Variants in ADCY2 observed in about 807,000 individuals in gnomAD.
The protein encoded by ADCY2 is adenylate cyclase 2.
ADCY2 carries 31 observed loss-of-function variants against 125.2 expected under a neutral mutation model. The observed-to-expected ratio is 0.25, with a 90% CI of 0.19 to 0.33. ADCY2 has a LOEUF of 0.33. ADCY2 is among the 10% of genes least tolerant of loss of function. The probability of loss-of-function intolerance (pLI) is 1.00; values close to 1 mark genes in which losing one functional copy is unlikely to be tolerated. For synonymous variants in ADCY2, 512 were observed against 548.4 expected, an observed-to-expected ratio of 0.93 and a Z score of 0.93; for missense variants, 904 against 1,418.2, an observed-to-expected ratio of 0.64 and a Z score of 5.82.
At chr5:7,804,736 C>A in intron 22 of ADCY2, 44 bp downstream of exon 22, 1 of 1,497,908 alleles carries the variant, frequency 6.7e-7, no homozygotes, top group East Asian at 2.3e-5. Context: ...AGCCTCAACC[C>A]CATCCACAAA....
intron 3 of ADCY2, among the ~76,000 whole-genome samples, chr5:7,527,755 G>C (rs1478946353): frequency 6.6e-6 from 1 of 152,216 alleles, no homozygotes; most frequent in African/African-American, 2.4e-5. Context: ...TCTATGCCAA[G>C]TGTGTAATCA....
chr5:7,398,635 C>A (rs988268939), intron 1 of ADCY2, among the ~76,000 whole-genome samples: 1 of 152,190 alleles, frequency 6.6e-6, no homozygotes, highest in African/African-American at 2.4e-5. Flanking sequence ...AATTCATGGT[C>A]TCATGTCTAC....
intron 16 of ADCY2, among the ~76,000 whole-genome samples, chr5:7,760,269 A>T (rs1016064685): frequency 1.1e-4 from 16 of 152,330 alleles, no homozygotes; most frequent in African/African-American, 3.8e-4. Flanking sequence ...CTCTTCCAAG[A>T]TCCAGCTCCC....
chr5:7,828,915 C>G lies in ADCY2; in HGVS notation c.*2044C>G, dbSNP rs1745564077. 6.6e-6 allele frequency: 1 copy of G among 152,336 alleles called. No homozygotes were observed. The highest frequency in any genetic ancestry group is 2.4e-5 in the African/African-American group (1 of 41,432). The allele number at this position is 152,336 out of a possible 1,614,324, so 9.4% of individuals were successfully genotyped here. ...CCCCAGCTGGGTGGTCCACCAAGTTCTCATAAACAGAGTCCCTCCCATTCC... is the reference window on the plus strand; with the variant it reads ...CCCCAGCTGGGTGGTCCACCAAGTTGTCATAAACAGAGTCCCTCCCATTCC... On this transcript the variant is annotated 3_prime_UTR_variant, in exon 25 of 25. Transcript: ENST00000338316.
chr5:7,459,111 C>T (rs1741816700), intron 2 of ADCY2, among the ~76,000 whole-genome samples: 1 of 152,188 alleles, frequency 6.6e-6, no homozygotes, highest in African/African-American at 2.4e-5. Context: ...GATCTTCTGA[C>T]ATACTTCTGT....
intron 20 of ADCY2, chr5:7,800,187 C>T (rs1422890339): frequency 2.0e-5 from 3 of 152,214 alleles, no homozygotes; most frequent in Non-Finnish European, 4.4e-5. Context: ...TAGTACCAGC[C>T]TCACAGGGTT....
intron 4 of ADCY2, among the ~76,000 whole-genome samples, chr5:7,689,702 C>G (rs1053246639): frequency 6.6e-6 from 1 of 152,006 alleles, no homozygotes. Flanking sequence ...CCCCTAATCC[C>G]TCATCAGCTT....
At chr5:7,785,869 G>A (rs1040512356) in intron 19 of ADCY2, among the ~76,000 whole-genome samples, 7 of 152,076 alleles carry the variant, frequency 4.6e-5, no homozygotes, top group Admixed American at 1.3e-4. Context: ...CTTTGTTATT[G>A]GTCGTTGAGA....
At chr5:7,463,332 C>CA (rs1741981750) in intron 2 of ADCY2, among the ~76,000 whole-genome samples, 1 of 152,094 alleles carries the variant, frequency 6.6e-6, no homozygotes, top group South Asian at 2.1e-4. Flanking sequence ...ATGAAGAGGA[C>CA]AAAAAGAACA....
At chr5:7,446,537 A>AATACATACATACATAC in intron 2 of ADCY2, among the ~76,000 whole-genome samples, 1 of 150,838 alleles carries the variant, frequency 6.6e-6, no homozygotes, top group East Asian at 2.0e-4. Context: ...CTCTGAAATA[A>AATACATACATACATAC]ATACATACAT....
intron 4 of ADCY2, among the ~76,000 whole-genome samples, chr5:7,682,002 C>T (rs1740355243): frequency 6.6e-6 from 1 of 152,196 alleles, no homozygotes; most frequent in Admixed American, 6.5e-5. Flanking sequence ...GTTCTAATCC[C>T]AACTCCTCCA....
intron 2 of ADCY2, among the ~76,000 whole-genome samples, chr5:7,466,105 A>G (rs1056659982): frequency 6.6e-6 from 1 of 152,230 alleles, no homozygotes; most frequent in Non-Finnish European, 1.5e-5. Context: ...ACATTTTAAG[A>G]TGAAATTCTT....
At chr5:7,482,843 A>C (rs1387221381) in intron 2 of ADCY2, among the ~76,000 whole-genome samples, 2 of 150,462 alleles carry the variant, frequency 1.3e-5, no homozygotes, top group Non-Finnish European at 2.9e-5. Flanking sequence ...CTATTCAGTC[A>C]TAAAGATAAT....
At chr5:7,543,874 C>T (rs917333574) in intron 3 of ADCY2, among the ~76,000 whole-genome samples, 4 of 151,664 alleles carry the variant, frequency 2.6e-5, no homozygotes, top group Non-Finnish European at 4.4e-5. Flanking sequence ...ATTAGCTGGG[C>T]GTGATGGAGG....
At chr5:7,567,709 TG>T (rs746453834) in intron 3 of ADCY2, among the ~76,000 whole-genome samples, 2 of 152,202 alleles carry the variant, frequency 1.3e-5, no homozygotes, top group Non-Finnish European at 2.9e-5. Context: ...TGTTTGGTCT[TG>T]GTTTTCTTGG....
intron 15 of ADCY2, among the ~76,000 whole-genome samples, chr5:7,753,185 C>G (rs1742879705): frequency 6.6e-6 from 1 of 152,230 alleles, no homozygotes; most frequent in Non-Finnish European, 1.5e-5. Flanking sequence ...GCGTGAGCCA[C>G]AGTGCCTGGC....
chr5:7,447,059 C>A (rs79551167), intron 2 of ADCY2, among the ~76,000 whole-genome samples: 1 of 152,082 alleles, frequency 6.6e-6, no homozygotes, highest in African/African-American at 2.4e-5. Context: ...TCTTCACTTT[C>A]GGAGTGCGTC....
At chr5:7,501,483 T>TA (rs1743568694) in intron 2 of ADCY2, among the ~76,000 whole-genome samples, 1 of 152,170 alleles carries the variant, frequency 6.6e-6, no homozygotes, top group Non-Finnish European at 1.5e-5. Context: ...GTTACATTTT[T>TA]AAATGGTGTA....
At position 7,460,196 on chromosome 5, in the gene ADCY2, G is replaced by T. The variant is rs891522540; in HGVS notation, c.408+45426G>T. 2.6e-5 allele frequency among the ~76,000 whole-genome samples: 4 copies of T among 152,004 alleles called. No individual in the cohort carries two copies. The East Asian group carries it at 7.7e-4, about 29-fold the overall frequency. On this transcript the variant is annotated intron_variant, in intron 2 of 24. Coordinates refer to ENST00000338316, the MANE Select transcript of ADCY2 (RefSeq NM_020546.3). ...TCTACTTAGTAGAATTGATAAGCAGGGATCATTTAAAAATTAAACAACATT... is the reference window on the plus strand; with the variant it reads ...TCTACTTAGTAGAATTGATAAGCAGTGATCATTTAAAAATTAAACAACATT...
Sources: gnomAD v4.1 joint callset for allele counts (sites outside exome capture counted in the v4.1 genomes callset) on GRCh38, gnomAD v4.1.1 for gene constraint, MANE v1.5 for transcripts, NCBI Gene and HGNC (gene_info 2026-07-23, HGNC 2026-07-21) for gene names.